Variants in NAV3 observed in about 807,000 individuals in gnomAD.
NAV3 encodes pore membrane and/or filament interacting like protein 1.
In NAV3, 87 loss-of-function variants were observed where a neutral mutation model predicts 244.7. The observed-to-expected ratio is 0.36, with a 90% CI of 0.30 to 0.42. The LOEUF is 0.42. NAV3 is among the 20% of genes least tolerant of loss of function. NAV3 has a pLI of 1.00. For missense variants in NAV3, 2,663 were observed against 2,893.3 expected, an observed-to-expected ratio of 0.92 and a Z score of 1.83; for synonymous variants, 1,126 against 1,042.2, an observed-to-expected ratio of 1.08 and a Z score of -1.55.
At chr12:78,166,125 A>G (rs1957771538) in intron 23 of NAV3, among the ~76,000 whole-genome samples, 1 of 151,990 alleles carries the variant, frequency 6.6e-6, no homozygotes, top group Non-Finnish European at 1.5e-5. Context: ...ATCAACAACT[A>G]AACAAACTAC....
chr12:78,049,085 T>A (rs1266387984), intron 9 of NAV3, among the ~76,000 whole-genome samples: 2 of 152,094 alleles, frequency 1.3e-5, no homozygotes, highest in Non-Finnish European at 2.9e-5. Context: ...AGCTCCAGGG[T>A]CCCAGGTGTC....
At chr12:77,696,893 T>A (rs1875330183) in intron 2 of NAV3, among the ~76,000 whole-genome samples, 1 of 152,176 alleles carries the variant, frequency 6.6e-6, no homozygotes, top group Non-Finnish European at 1.5e-5. Context: ...TACTAATTAT[T>A]TCCATCTACT....
chr12:78,163,734 G>A (rs1957663821), intron 23 of NAV3, among the ~76,000 whole-genome samples: 1 of 152,030 alleles, frequency 6.6e-6, no homozygotes, highest in Non-Finnish European at 1.5e-5. Flanking sequence ...TGCTTGCTGG[G>A]GAGTGAAATT....
In NAV3 at chr12:78,116,595, G is replaced by A. The variant is rs146408732; in HGVS notation, c.2637-177G>A. Among the ~76,000 whole-genome samples, 144 of 152,160 alleles carry A rather than the reference G, an allele frequency of 9.5e-4. 2 individuals are homozygous for A. The highest frequency in any genetic ancestry group is 4.3e-4 in the Non-Finnish European group (29 of 68,012). On this transcript the variant is annotated intron_variant, in intron 12 of 39. Coordinates refer to ENST00000397909, the MANE Select transcript of NAV3 (RefSeq NM_001024383.2). Reference sequence around the variant, plus strand: ...AAATATCAGATAAGGTTATTCTTATGTAGACCCTCAGTTCATATAAATATG... The same window carrying A: ...AAATATCAGATAAGGTTATTCTTATATAGACCCTCAGTTCATATAAATATG...
At chr12:77,864,805 A>G (rs1285896177) in intron 1 of NAV3, among the ~76,000 whole-genome samples, 2 of 151,918 alleles carry the variant, frequency 1.3e-5, no homozygotes, top group Admixed American at 6.6e-5. Flanking sequence ...TAAAGAATGT[A>G]TGCTTGATGA....
chr12:77,619,147 GA>G (rs1871260061), intron 2 of NAV3, among the ~76,000 whole-genome samples: 1 of 152,086 alleles, frequency 6.6e-6, no homozygotes, highest in Admixed American at 6.6e-5. Flanking sequence ...GTCATATTTT[GA>G]AAAGTGGTTT....
intron 2 of NAV3, among the ~76,000 whole-genome samples, chr12:77,627,350 A>G (rs11106019): frequency 0.12 from 17,581 of 152,180 alleles, 1,834 homozygotes; most frequent in African/African-American, 0.28. Context: ...AATACTTTTT[A>G]TAAAGATGAA....
chr12:77,870,830 A>G (rs1023723895), intron 1 of NAV3, among the ~76,000 whole-genome samples: 2 of 152,256 alleles, frequency 1.3e-5, no homozygotes, highest in Non-Finnish European at 2.9e-5. Flanking sequence ...CATGAAATCC[A>G]AGAGCAGTCA....
intron 2 of NAV3, among the ~76,000 whole-genome samples, chr12:77,663,352 A>G (rs933967058): frequency 3.9e-5 from 6 of 152,192 alleles, no homozygotes; most frequent in African/African-American, 7.2e-5. Context: ...GGAGTTTTCA[A>G]TTTGTCAGTT....
At chr12:78,135,246 CAG>C (rs1019562673) in intron 18 of NAV3, among the ~76,000 whole-genome samples, 1 of 152,190 alleles carries the variant, frequency 6.6e-6, no homozygotes, top group Non-Finnish European at 1.5e-5. Flanking sequence ...CTCTTGAAAT[CAG>C]AGACTGTGTC....
chr12:77,754,183 A>G (rs1226898092), intron 2 of NAV3, among the ~76,000 whole-genome samples: 1 of 152,126 alleles, frequency 6.6e-6, no homozygotes, highest in East Asian at 1.9e-4. Context: ...TCATCCATTT[A>G]GAGCTCCGAT....
intron 5 of NAV3, among the ~76,000 whole-genome samples, chr12:77,983,149 AG>A (rs1414539250): frequency 6.6e-6 from 1 of 152,224 alleles, no homozygotes; most frequent in African/African-American, 2.4e-5. Context: ...CTAAATGTAA[AG>A]TAAAATTGCT....
chr12:78,019,155 A>G (rs190573378), intron 8 of NAV3, among the ~76,000 whole-genome samples: 1 of 152,286 alleles, frequency 6.6e-6, no homozygotes, highest in East Asian at 1.9e-4. Context: ...TTTACAGATG[A>G]ACAAACAAGT....
chr12:77,973,653 C>T (rs1411567712), intron 5 of NAV3, among the ~76,000 whole-genome samples: 1 of 152,080 alleles, frequency 6.6e-6, no homozygotes, highest in Non-Finnish European at 1.5e-5. Context: ...GTATCTTTTC[C>T]AGGAAACATT....
chr12:77,891,663 T>A (rs1391489306), intron 1 of NAV3, among the ~76,000 whole-genome samples: 1 of 152,226 alleles, frequency 6.6e-6, no homozygotes, highest in African/African-American at 2.4e-5. Context: ...ACAGGGCTAA[T>A]AACTTAACAA....
intron 2 of NAV3, among the ~76,000 whole-genome samples, chr12:77,613,350 C>T (rs1452362065): frequency 1.3e-5 from 2 of 152,064 alleles, no homozygotes; most frequent in South Asian, 2.1e-4. Flanking sequence ...CTAAATCAGT[C>T]GAACACAGTG....
intron 2 of NAV3, among the ~76,000 whole-genome samples, chr12:77,810,468 AC>A (rs141526705): frequency 1.3e-5 from 2 of 151,974 alleles, no homozygotes; most frequent in African/African-American, 4.8e-5. Context: ...ACAGCGCCTG[AC>A]CCCCATTATA....
chr12:77,734,487 T>G (rs1409328272), intron 2 of NAV3, among the ~76,000 whole-genome samples: 1 of 152,124 alleles, frequency 6.6e-6, no homozygotes, highest in Non-Finnish European at 1.5e-5. Context: ...AACTAAATTT[T>G]GAAGCATTGG....
At chr12:78,187,409 A>G (rs1486411295) in intron 31 of NAV3, among the ~76,000 whole-genome samples, 1 of 151,896 alleles carries the variant, frequency 6.6e-6, no homozygotes, top group African/African-American at 2.4e-5. Context: ...CCAGGATTAT[A>G]ATATGTCAAC....
Sources: allele counts gnomAD v4.1 joint callset (sites outside exome capture counted in the v4.1 genomes callset), GRCh38; gene constraint gnomAD v4.1.1; transcripts MANE v1.5; gene names NCBI Gene and HGNC (gene_info 2026-07-23, HGNC 2026-07-21).